The following SGCZ variants were observed in gnomAD, a reference collection of about 807,000 sequenced individuals.
SGCZ encodes the protein zeta-sarcoglycan.
Under a neutral mutation model 41.3 loss-of-function variants are expected in SGCZ, and 40 were observed. That is an observed-to-expected ratio of 0.97 (90% confidence interval 0.75 to 1.26). SGCZ has a LOEUF of 1.26. Among genes scored for constraint, SGCZ ranks in the 50% most tolerant of loss-of-function variants. SGCZ has a pLI of 0.00. For missense variants in SGCZ, 552 were observed against 369.8 expected, an observed-to-expected ratio of 1.49 and a Z score of -4.04; for synonymous variants, 206 against 137.5, an observed-to-expected ratio of 1.50 and a Z score of -3.49.
At chr8:14,708,389 C>T in intron 1 of SGCZ, among the ~76,000 whole-genome samples, 1 of 151,332 alleles carries the variant, frequency 6.6e-6, no homozygotes, top group Non-Finnish European at 1.5e-5. Context: ...AAACCAATCC[C>T]AGATGAATAT....
At chr8:14,803,589 G>T (rs1449374362) in intron 1 of SGCZ, among the ~76,000 whole-genome samples, 2 of 152,170 alleles carry the variant, frequency 1.3e-5, no homozygotes, top group Non-Finnish European at 2.9e-5. Flanking sequence ...CGCCCAGGGA[G>T]TCTCCCTGAT....
In SGCZ at chr8:14,108,187, C is replaced by T. The variant is rs1384208083; in HGVS notation, c.596G>A (p.Arg199Lys). ...CCTGAGATCTTGGGATGGCTCTGCT[C>T]TGATGTGCGGCGTCTCCACAGAGTG... ...FGHSVETPHI[R>K]AEPSQDLRLE... Residue 199 changes from arginine to lysine, a missense_variant, in exon 6 of 8, where the codon AGA becomes AAA. Arg to Lys is a conservative substitution (Grantham distance 26, BLOSUM62 2). Coordinates refer to ENST00000382080, the MANE Select transcript of SGCZ (RefSeq NM_139167.4). The T allele has an allele frequency of 6.2e-7, 1 of 1,614,002 alleles. No individual in the cohort carries two copies. Among genetic ancestry groups the T allele is most frequent in the Non-Finnish European group, 8.5e-7 (1 of 1,180,012 alleles).
intron 1 of SGCZ, among the ~76,000 whole-genome samples, chr8:14,921,236 T>A (rs865901358): frequency 4.6e-5 from 7 of 152,236 alleles, no homozygotes; most frequent in Middle Eastern, 3.4e-3. Context: ...CTTTCAAATC[T>A]CCACATCAAT....
intron 1 of SGCZ, among the ~76,000 whole-genome samples, chr8:14,773,559 AT>A (rs1386483323): frequency 1.3e-5 from 2 of 152,204 alleles, no homozygotes; most frequent in Non-Finnish European, 2.9e-5. Context: ...ACATTCTTAG[AT>A]AGTTTTATGC....
intron 1 of SGCZ, among the ~76,000 whole-genome samples, chr8:14,745,619 G>A (rs1222854391): frequency 1.3e-5 from 2 of 151,742 alleles, no homozygotes; most frequent in Non-Finnish European, 2.9e-5. Context: ...GTGTGCCTGT[G>A]TATGTATGTA....
At chr8:14,400,890 AT>A (rs1799052633) in intron 2 of SGCZ, among the ~76,000 whole-genome samples, 1 of 152,148 alleles carries the variant, frequency 6.6e-6, no homozygotes, top group African/African-American at 2.4e-5. Context: ...GTTTAAATTA[AT>A]TTATGTAACT....
intron 1 of SGCZ, among the ~76,000 whole-genome samples, chr8:15,117,007 A>T (rs1807293301): frequency 6.6e-6 from 1 of 152,240 alleles, no homozygotes; most frequent in South Asian, 2.1e-4. Flanking sequence ...TAACAGTTAC[A>T]TCTTTGCTAA....
chr8:14,947,914 T>A (rs1800506626), intron 1 of SGCZ, among the ~76,000 whole-genome samples: 1 of 152,186 alleles, frequency 6.6e-6, no homozygotes, highest in African/African-American at 2.4e-5. Context: ...TCTGATGATG[T>A]GAGTTGATCT....
At chr8:15,172,958 C>T (rs112438043) in intron 1 of SGCZ, among the ~76,000 whole-genome samples, 3,238 of 152,228 alleles carry the variant, frequency 0.021, 101 homozygotes, top group African/African-American at 0.073. Context: ...GAAGTCATTA[C>T]GAGATTTCAT....
At position 14,807,335 on chromosome 8, in the gene SGCZ, T is replaced by C. The variant is rs546588980; in HGVS notation, c.40-252409A>G. Reference sequence around the variant, plus strand: ...TGATTGTATATCTAGAAAACCCCATTGTCTCAGCCCAAAATCTCCTTAAGC... The same window carrying C: ...TGATTGTATATCTAGAAAACCCCATCGTCTCAGCCCAAAATCTCCTTAAGC... On this transcript the variant is annotated intron_variant, in intron 1 of 7. Coordinates refer to ENST00000382080, the MANE Select transcript of SGCZ (RefSeq NM_139167.4). Among the ~76,000 whole-genome samples the C allele has an allele frequency of 7.9e-5, 12 of 152,094 alleles. No homozygotes were observed. The South Asian group carries it at 1.5e-3, about 18-fold the overall frequency.
intron 1 of SGCZ, among the ~76,000 whole-genome samples, chr8:14,567,296 G>A (rs756237232): frequency 9.2e-5 from 14 of 152,220 alleles, no homozygotes; most frequent in Non-Finnish European, 1.8e-4. Flanking sequence ...AGCCAGCTGA[G>A]CTCCTGAGTC....
intron 1 of SGCZ, among the ~76,000 whole-genome samples, chr8:14,730,372 G>A (rs80099998): frequency 0.011 from 1,692 of 152,112 alleles, 27 homozygotes; most frequent in Middle Eastern, 0.031. Context: ...GTGAGGAGAC[G>A]GGATATATAA....
intron 1 of SGCZ, among the ~76,000 whole-genome samples, chr8:14,877,804 C>A (rs899713072): frequency 6.6e-6 from 1 of 151,936 alleles, no homozygotes; most frequent in East Asian, 1.9e-4. Context: ...TTTTATGGGA[C>A]AAATGATAAG....
intron 1 of SGCZ, among the ~76,000 whole-genome samples, chr8:14,710,040 G>C (rs944386205): frequency 2.0e-4 from 30 of 152,226 alleles, no homozygotes; most frequent in Admixed American, 9.8e-4. Flanking sequence ...ACAAGTCAGA[G>C]AGCAATTCTC....
At chr8:14,600,929 A>T (rs1805571023) in intron 1 of SGCZ, among the ~76,000 whole-genome samples, 1 of 151,856 alleles carries the variant, frequency 6.6e-6, no homozygotes, top group Non-Finnish European at 1.5e-5. Context: ...ACCTCAAAGT[A>T]ATCTTGATTC....
chr8:14,960,964 C>G (rs985035301), intron 1 of SGCZ, among the ~76,000 whole-genome samples: 2 of 111,918 alleles, frequency 1.8e-5, no homozygotes, highest in African/African-American at 7.6e-5. Context: ...CACACACACA[C>G]TCACTCAAGC....
intron 1 of SGCZ, among the ~76,000 whole-genome samples, chr8:15,136,876 A>T (rs1461591831): frequency 6.6e-6 from 1 of 152,168 alleles, no homozygotes; most frequent in Non-Finnish European, 1.5e-5. Context: ...TGCTCATATA[A>T]GGGTACTGGA....
In SGCZ at chr8:14,085,068, A is replaced by G. The variant is rs1032267970; in HGVS notation, c.*5375T>C. ...TACCCCAATTAAGTTCCATCTAAAC[A>G]AAAGATACAATAGACTGATTTTTGA... On this transcript the variant is annotated 3_prime_UTR_variant, in exon 8 of 8. Coordinates refer to ENST00000382080, the MANE Select transcript of SGCZ (RefSeq NM_139167.4). 6.6e-6 allele frequency among the ~76,000 whole-genome samples: 1 copy of G among 151,814 alleles called. No individual in the cohort carries two copies. Among genetic ancestry groups the G allele is most frequent in the Non-Finnish European group, 1.5e-5 (1 of 67,846 alleles).
intron 1 of SGCZ, among the ~76,000 whole-genome samples, chr8:14,693,255 T>A (rs1374502146): frequency 6.6e-6 from 1 of 151,762 alleles, no homozygotes; most frequent in African/African-American, 2.4e-5. Flanking sequence ...CATTCCTCAA[T>A]AATTTTACTT....
Sources: gnomAD v4.1 joint callset for allele counts (sites outside exome capture counted in the v4.1 genomes callset) on GRCh38, gnomAD v4.1.1 for gene constraint, MANE v1.5 for transcripts, NCBI Gene and HGNC (gene_info 2026-07-23, HGNC 2026-07-21) for gene names.